SMC6: variants seen among roughly 807,000 people sequenced by gnomAD.
The protein encoded by SMC6 is structural maintenance of chromosomes 6.
Under a neutral mutation model 142.2 loss-of-function variants are expected in SMC6, and 79 were observed. The ratio of observed to expected loss-of-function variants is 0.56; its 90% CI spans 0.46 to 0.67. The LOEUF is 0.67. Among genes scored for constraint, SMC6 ranks in the 30% least tolerant of loss-of-function variants. SMC6 has a pLI of 0.00. For missense variants in SMC6, 1,072 were observed against 1,284.0 expected (o/e 0.83, Z 2.52); for synonymous variants, 411 against 412.4 (o/e 1.00, Z 0.04).
At chr2:17,727,167 T>C (rs1558367350) in intron 7 of SMC6, among the ~76,000 whole-genome samples, 1 of 152,166 alleles carries the variant, frequency 6.6e-6, no homozygotes, top group African/African-American at 2.4e-5. Context: ...ATGCAAAGTA[T>C]TGATTCTGGG....
chr2:17,695,179 C>G lies in SMC6; in HGVS notation c.2651G>C (p.Ser884Thr). 1 of 1,613,510 alleles carries G rather than the reference C, an allele frequency of 6.2e-7. No individual in the cohort carries two copies. Among genetic ancestry groups the G allele is most frequent in the Non-Finnish European group, 8.5e-7 (1 of 1,179,780 alleles). ...LRQKIQAEHA[S>T]HGDREEIMRQ... is the part of the protein sequence containing the mutation. Reference sequence around the variant, plus strand: ...CATTATTTCCTCTCGATCTCCATGACTAGCATGTTCTGCCTGTATCTTCTG... The same window carrying G: ...CATTATTTCCTCTCGATCTCCATGAGTAGCATGTTCTGCCTGTATCTTCTG... The change falls in exon 23 of 28, where the codon AGT becomes ACT. Residue 884 changes from serine (S) to threonine (T), a missense_variant. Coordinates refer to ENST00000448223, the MANE Select transcript of SMC6 (RefSeq NM_001142286.2).
At chr2:17,675,101 TTGAG>T (rs772278353) in intron 25 of SMC6, among the ~76,000 whole-genome samples, 32 of 152,080 alleles carry the variant, frequency 2.1e-4, no homozygotes, top group African/African-American at 7.5e-4. Flanking sequence ...CTTCATATAA[TTGAG>T]TATTTTTGTT....
chr2:17,668,981 A>C (rs1666632426), intron 26 of SMC6, among the ~76,000 whole-genome samples: 1 of 152,208 alleles, frequency 6.6e-6, no homozygotes, highest in Non-Finnish European at 1.5e-5. Context: ...AGAAGGAGCC[A>C]CATGCAAGCC....
At chr2:17,689,578 T>G (rs1169756094) in intron 23 of SMC6, among the ~76,000 whole-genome samples, 1 of 152,240 alleles carries the variant, frequency 6.6e-6, no homozygotes, top group Non-Finnish European at 1.5e-5. Flanking sequence ...GTATACATGC[T>G]AAATATATAT....
intron 23 of SMC6, among the ~76,000 whole-genome samples, chr2:17,690,766 A>G (rs1172832975): frequency 1.3e-5 from 2 of 152,114 alleles, no homozygotes; most frequent in East Asian, 3.9e-4. Context: ...ACTTCACTCA[A>G]TGTAAGAGAA....
chr2:17,680,647 C>A (rs541767466), intron 24 of SMC6: 1 of 152,238 alleles, frequency 6.6e-6, no homozygotes, highest in South Asian at 2.1e-4. Context: ...TCTTGGGTGA[C>A]CAGGTGTACT....
intron 18 of SMC6, 50 bp from the exon 19 acceptor site, chr2:17,703,342 AT>A: frequency 6.6e-7 from 1 of 1,524,156 alleles, no homozygotes. Context: ...TTTTCTCAAT[AT>A]TACAAATACT....
chr2:17,733,573 T>C (rs1052306493), intron 5 of SMC6, among the ~76,000 whole-genome samples: 2 of 152,218 alleles, frequency 1.3e-5, no homozygotes, highest in Non-Finnish European at 2.9e-5. Context: ...TTTGCAACAT[T>C]TCTGTAAATC....
chr2:17,744,300 T>G (rs1670625397), intron 3 of SMC6, among the ~76,000 whole-genome samples: 1 of 152,168 alleles, frequency 6.6e-6, no homozygotes, highest in Non-Finnish European at 1.5e-5. Flanking sequence ...TTGTTTTAAT[T>G]TGCATCGTCC....
At chr2:17,667,451 A>G (rs1666550574) in intron 26 of SMC6, among the ~76,000 whole-genome samples, 1 of 152,260 alleles carries the variant, frequency 6.6e-6, no homozygotes, top group African/African-American at 2.4e-5. Context: ...TTCTGAGTTA[A>G]GTAACAGTAA....
rs1334068151 is a variant in SMC6 at position 17,673,576 on chromosome 2, A to AT, written c.2911-3002dup. Among the ~76,000 whole-genome samples, 712 of 145,002 alleles carry AT rather than the reference A, an allele frequency of 4.9e-3. 3 individuals carry two copies. The highest frequency in any genetic ancestry group is 0.017 in the African/African-American group (655 of 38,362). On this transcript the variant is annotated intron_variant, in intron 25 of 27. Coordinates refer to ENST00000448223, the MANE Select transcript of SMC6 (RefSeq NM_001142286.2). ...TTTAAAAAAAAATTTTTTTTTTTAAATTTTTTTTTTGAGACAGAGTTTCGC... is the reference window on the plus strand; with the variant it reads ...TTTAAAAAAAAATTTTTTTTTTTAAATTTTTTTTTTTGAGACAGAGTTTCGC...
intron 16 of SMC6, among the ~76,000 whole-genome samples, chr2:17,713,950 AC>A (rs1666984972): frequency 6.6e-6 from 1 of 152,166 alleles, no homozygotes; most frequent in South Asian, 2.1e-4. Flanking sequence ...TTAATTACAC[AC>A]ACTAATTTAC....
intron 25 of SMC6, among the ~76,000 whole-genome samples, chr2:17,675,798 T>G (rs537916819): frequency 1.9e-4 from 29 of 152,226 alleles, no homozygotes; most frequent in Non-Finnish European, 3.5e-4. Context: ...CCTCTTTGTT[T>G]TTGGTTTTCA....
At chr2:17,717,215 A>T in intron 12 of SMC6, 39 bp from the exon 13 acceptor site, 2 of 1,461,904 alleles carry the variant, frequency 1.4e-6, no homozygotes, top group South Asian at 2.4e-5. Flanking sequence ...AAAAATGAAA[A>T]CACAAATATC....
intron 23 of SMC6, among the ~76,000 whole-genome samples, chr2:17,692,824 T>C (rs1172470806): frequency 6.6e-6 from 1 of 152,050 alleles, no homozygotes; most frequent in Non-Finnish European, 1.5e-5. Context: ...AGGGCTAATA[T>C]CCAGAATCTA....
intron 16 of SMC6, among the ~76,000 whole-genome samples, chr2:17,712,002 G>A (rs886867228): frequency 1.3e-5 from 2 of 152,120 alleles, no homozygotes; most frequent in African/African-American, 4.8e-5. Context: ...GAGCTGTGCG[G>A]AGCACCAGAA....
chr2:17,680,704 T>C (rs1667201274), intron 24 of SMC6: 1 of 152,204 alleles, frequency 6.6e-6, no homozygotes, highest in Admixed American at 6.6e-5. Flanking sequence ...TTCTGAGCCG[T>C]AGGACTCAAT....
Position 17,666,420 on chromosome 2 carries a change from C to T in SMC6, c.3161G>A (p.Ser1054Asn), listed in dbSNP as rs754721387. ...TATCTAGAAAGTTTTAAAAAGTTAC[C>T]TCATGCTTTGAGGTGTGAGCAAGAT... ...QFILLTPQSM[S>N]SLPSSKLIRI... is the part of the protein sequence containing the mutation. Residue 1054 changes from serine (S) to asparagine (N), a missense_variant and splice_region_variant, in exon 27 of 28, where the codon AGT becomes AAT. Transcript: ENST00000448223. 6.2e-7 allele frequency: 1 copy of T among 1,611,250 alleles called. No individual in the cohort carries two copies. The highest frequency in any genetic ancestry group is 8.5e-7 in the Non-Finnish European group (1 of 1,178,254).
chr2:17,721,270 A>T lies in SMC6; in HGVS notation c.727-9T>A. The T allele has an allele frequency of 1.3e-6, 2 of 1,564,814 alleles. No homozygotes were observed. Among genetic ancestry groups the T allele is most frequent in the Non-Finnish European group, 1.7e-6 (2 of 1,164,500 alleles). On this transcript the variant is annotated splice_polypyrimidine_tract_variant and intron_variant, in intron 9 of 27. Coordinates refer to ENST00000448223, the MANE Select transcript of SMC6 (RefSeq NM_001142286.2). ...TTTAGTTCAGTAAGCCGCTTAAAAA[A>T]AGAAAACAGAACGGACGTATTTTTT...
Sources: gnomAD v4.1 joint callset for allele counts (sites outside exome capture counted in the v4.1 genomes callset) on GRCh38, gnomAD v4.1.1 for gene constraint, MANE v1.5 for transcripts, NCBI Gene and HGNC (gene_info 2026-07-23, HGNC 2026-07-21) for gene names.